TMPRSS6: variants seen among roughly 807,000 people sequenced by gnomAD.
TMPRSS6 encodes the protein transmembrane serine protease 6, also known as transmembrane protease serine 6.
In TMPRSS6, 67 loss-of-function variants were observed where a neutral mutation model predicts 101.5. The observed-to-expected ratio is 0.66, with a 90% CI of 0.54 to 0.81. The LOEUF (loss-of-function observed/expected upper bound fraction) is 0.81. Ranked by LOEUF, TMPRSS6 falls within the 30% of genes least tolerant of loss-of-function variation. The pLI is 0.00. For missense variants in TMPRSS6, 1,034 were observed against 1,088.7 expected (o/e 0.95, Z 0.71); for synonymous variants, 453 against 464.9 (o/e 0.97, Z 0.33).
Position 37,098,488 on chromosome 22 carries a change from G to A in TMPRSS6, c.264C>T (p.Arg88=), listed in dbSNP as rs764199880. 6.2e-7 allele frequency: 1 copy of A among 1,613,968 alleles called. No individual in the cohort carries two copies. The highest frequency in any genetic ancestry group is 8.5e-7 in the Non-Finnish European group (1 of 1,180,016). Residue 88 remains arginine, a synonymous_variant, in exon 3 of 18, where the codon CGC becomes CGT. Transcript: ENST00000676104. ...GGCGGGTAAGATCCTGGGAGAAGTGGCGATTGAGTACACGCAGACTGCCTG... is the reference window on the plus strand; with the variant it reads ...GGCGGGTAAGATCCTGGGAGAAGTGACGATTGAGTACACGCAGACTGCCTG... ...VYSGSLRVLN[R]HFSQDLTRRE...
At position 37,103,256 on chromosome 22, in the gene TMPRSS6, G is replaced by C. The variant is rs758310014; in HGVS notation, c.162C>G (p.Leu54=). 3.1e-6 allele frequency: 5 copies of C among 1,614,068 alleles called. No individual in the cohort carries two copies. In the South Asian group the frequency reaches 4.4e-5, roughly 14 times the overall value. Residue 54 remains leucine, a synonymous_variant, in exon 2 of 18, where the codon CTC becomes CTG. Coordinates refer to ENST00000676104, the MANE Select transcript of TMPRSS6 (RefSeq NM_001374504.1). The surrounding 1 kb of genome is among the most constrained non-coding windows in gnomAD (Gnocchi z 4.4). ...LVPLFVLLAL[L]VLASAGVLLW... is the part of the protein sequence containing the mutation. The stretch of plus-strand genomic sequence containing the variant: ...GTAGCACCCCCGCCGAAGCCAGCAC[G>C]AGCAGGGCCAGCAGCACAAACAGGG...
intron 8 of TMPRSS6, among the ~76,000 whole-genome samples, chr22:37,085,597 C>G (rs2235325): frequency 6.6e-6 from 1 of 151,982 alleles, no homozygotes; most frequent in African/African-American, 2.4e-5. Flanking sequence ...GTTTGGGCCT[C>G]CTGCGCAGAA....
At chr22:37,083,909 T>G in intron 10 of TMPRSS6, 2 of 476,876 alleles carry the variant, frequency 4.2e-6, no homozygotes, top group East Asian at 3.1e-5. Flanking sequence ...ACGCCTTGGG[T>G]TTAGAGGGAA....
chr22:37,071,350 C>G (rs1926886005), intron 13 of TMPRSS6, among the ~76,000 whole-genome samples: 1 of 152,170 alleles, frequency 6.6e-6, no homozygotes, highest in Non-Finnish European at 1.5e-5. Context: ...AGACCAGGGT[C>G]CGCACCTAGC....
At chr22:37,068,651 T>G (rs768021133) in intron 16 of TMPRSS6, 5 of 779,664 alleles carry the variant, frequency 6.4e-6, no homozygotes, top group Non-Finnish European at 7.2e-6. Context: ...TCTCCATCCA[T>G]AAAATAGGGC....
At chr22:37,075,686 T>A (rs1927570246) in intron 10 of TMPRSS6, among the ~76,000 whole-genome samples, 1 of 152,172 alleles carries the variant, frequency 6.6e-6, no homozygotes, top group African/African-American at 2.4e-5. Context: ...GTGGATCACC[T>A]GAAGTCGGGA....
chr22:37,105,365 CG>C (rs1930649414), intron 1 of TMPRSS6, among the ~76,000 whole-genome samples: 1 of 152,214 alleles, frequency 6.6e-6, no homozygotes, highest in South Asian at 2.1e-4. Flanking sequence ...GGTAAACGTC[CG>C]GCAACGGGTG....
chr22:37,098,362 C>T, intron 3 of TMPRSS6, 54 bp downstream of exon 3: 1 of 1,613,348 alleles, frequency 6.2e-7, no homozygotes, highest in Non-Finnish European at 8.5e-7. Flanking sequence ...AGACCCCACC[C>T]CTCTCTTTTC....
intron 6 of TMPRSS6, among the ~76,000 whole-genome samples, chr22:37,094,394 GATA>G (rs1929555150): frequency 1.4e-5 from 2 of 144,472 alleles, no homozygotes; most frequent in African/African-American, 5.3e-5. Context: ...TAGATAGATA[GATA>G]GATAGATAGA....
At chr22:37,083,410 C>G (rs912186058) in intron 10 of TMPRSS6, among the ~76,000 whole-genome samples, 1 of 152,048 alleles carries the variant, frequency 6.6e-6, no homozygotes, top group Non-Finnish European at 1.5e-5. Context: ...GCCTCCTTCT[C>G]TCCCTCTGGG....
At chr22:37,110,396 G>A (rs1268088461), upstream of TMPRSS6, among the ~76,000 whole-genome samples, 8 of 151,866 alleles carry the variant, frequency 5.3e-5, no homozygotes, top group Non-Finnish European at 1.0e-4. Context: ...CACCCACCTC[G>A]ACCTCCCAAA....
chr22:37,092,797 A>G (rs1450619494), intron 6 of TMPRSS6, among the ~76,000 whole-genome samples: 2 of 152,208 alleles, frequency 1.3e-5, no homozygotes, highest in Non-Finnish European at 2.9e-5. Context: ...CGCCCGGCCC[A>G]TGCCCAAATC....
chr22:37,102,871 G>A (rs1479834145), intron 2 of TMPRSS6, among the ~76,000 whole-genome samples: 1 of 152,126 alleles, frequency 6.6e-6, no homozygotes, highest in Non-Finnish European at 1.5e-5. Context: ...GGCAACCCAG[G>A]AGGACTGCAG....
chr22:37,088,389 T>C (rs547427246), intron 7 of TMPRSS6, among the ~76,000 whole-genome samples: 71 of 152,306 alleles, frequency 4.7e-4, no homozygotes, highest in Admixed American at 1.5e-3. Flanking sequence ...CCCATCCCCA[T>C]CTGCCTGGAG....
chr22:37,083,792 A>C, intron 10 of TMPRSS6: 1 of 236,022 alleles, frequency 4.2e-6, no homozygotes, highest in Non-Finnish European at 8.3e-6. Context: ...CCCGTTGGGG[A>C]TTCGGGGGAT....
intron 7 of TMPRSS6, among the ~76,000 whole-genome samples, chr22:37,088,305 C>A (rs1406111876): frequency 6.6e-6 from 1 of 152,076 alleles, no homozygotes; most frequent in Non-Finnish European, 1.5e-5. Context: ...CTTGGAGAGG[C>A]CCTGGGGGAG....
chr22:37,105,541 G>C (rs1930661829), intron 1 of TMPRSS6, among the ~76,000 whole-genome samples: 1 of 152,222 alleles, frequency 6.6e-6, no homozygotes, highest in Admixed American at 6.5e-5. Context: ...ACCTCTGACT[G>C]AGGTGGCTGT....
At chr22:37,074,310 T>C (rs147355970) in intron 12 of TMPRSS6, among the ~76,000 whole-genome samples, 1 of 152,260 alleles carries the variant, frequency 6.6e-6, no homozygotes, top group Admixed American at 6.5e-5. Context: ...CCTCACCCAT[T>C]CTGTTCCTTC....
intron 15 of TMPRSS6, among the ~76,000 whole-genome samples, chr22:37,070,104 C>T (rs1231174972): frequency 6.6e-6 from 1 of 152,134 alleles, no homozygotes; most frequent in Non-Finnish European, 1.5e-5. Context: ...CCTGCTACCT[C>T]GTGTCACACC....
Sources: gnomAD v4.1 joint callset for allele counts (sites outside exome capture counted in the v4.1 genomes callset) on GRCh38, gnomAD v4.1.1 for gene constraint, Gnocchi (gnomAD v3.1) non-coding constraint, MANE v1.5 for transcripts, NCBI Gene and HGNC (gene_info 2026-07-23, HGNC 2026-07-21) for gene names.